Variants in CNKSR2 observed in about 807,000 individuals in gnomAD.
CNKSR2 encodes CNK homolog protein 2.
A neutral mutation model predicts 84.4 loss-of-function variants in CNKSR2; 14 were observed. That is an observed-to-expected ratio of 0.17 (90% CI 0.11 to 0.26). The LOEUF (loss-of-function observed/expected upper bound fraction) is 0.26, where lower values mean the gene tolerates loss of function less well. Among genes scored for constraint, CNKSR2 ranks in the 10% least tolerant of loss-of-function variants. CNKSR2 has a pLI of 1.00. For missense variants in CNKSR2, 485 were observed against 771.2 expected, an observed-to-expected ratio of 0.63 and a Z score of 4.40; for synonymous variants, 275 against 277.9, an observed-to-expected ratio of 0.99 and a Z score of 0.10.
intron 4 of CNKSR2, among the ~76,000 whole-genome samples, chrX:21,456,999 C>T (rs1285884035): frequency 9.0e-6 from 1 of 111,226 alleles, no homozygotes; most frequent in Non-Finnish European, 1.9e-5. Context: ...ACCTAATGGC[C>T]ATTTGTATGT....
At chrX:21,610,609 T>C (rs2092545608) in intron 20 of CNKSR2, among the ~76,000 whole-genome samples, 1 of 112,675 alleles carries the variant, frequency 8.9e-6, no homozygotes, top group South Asian at 3.7e-4. Context: ...AAATCACAGT[T>C]ACTTGTTTGG....
At chrX:21,615,653 G>A (rs1216460692) in intron 20 of CNKSR2, among the ~76,000 whole-genome samples, 3 of 111,315 alleles carry the variant, frequency 2.7e-5, no homozygotes, top group African/African-American at 6.5e-5. Flanking sequence ...AATTATATAG[G>A]TTTTATATTT....
chrX:21,495,869 CATTTA>C (rs1255507652), intron 6 of CNKSR2, among the ~76,000 whole-genome samples: 1 of 93,517 alleles, frequency 1.1e-5, no homozygotes, highest in Non-Finnish European at 2.0e-5. Flanking sequence ...AGTCATGCTT[CATTTA>C]ATGACGGGAT....
chrX:21,520,380 A>G (rs935068179), intron 9 of CNKSR2, among the ~76,000 whole-genome samples: 1 of 110,960 alleles, frequency 9.0e-6, no homozygotes, highest in African/African-American at 3.3e-5. Flanking sequence ...TTGCTTTCTG[A>G]GAGCTGCTTT....
Position 21,620,871 on chromosome X carries a change from C to A in CNKSR2, c.2692+11254C>A, listed in dbSNP as rs142531802. 7.3e-3 allele frequency among the ~76,000 whole-genome samples: 815 copies of A among 110,887 alleles called. 10 individuals are homozygous for A. The highest frequency in any genetic ancestry group is 0.026 in the African/African-American group (784 of 30,601). On this transcript the variant is annotated intron_variant, in intron 20 of 21. Coordinates refer to ENST00000379510, the MANE Select transcript of CNKSR2 (RefSeq NM_014927.5). ...TATAACTTACGAGTTTAGTGGGCTCCTCATTACTCGAAGTGTTTAGGAAGA... is the reference window on the plus strand; with the variant it reads ...TATAACTTACGAGTTTAGTGGGCTCATCATTACTCGAAGTGTTTAGGAAGA...
At chrX:21,529,430 T>G (rs1051599151) in intron 10 of CNKSR2, among the ~76,000 whole-genome samples, 1 of 110,997 alleles carries the variant, frequency 9.0e-6, no homozygotes, top group Non-Finnish European at 1.9e-5. Context: ...AATTTATAGG[T>G]CTTTGAACAA....
intron 17 of CNKSR2, among the ~76,000 whole-genome samples, chrX:21,597,442 C>G (rs1286856323): frequency 2.7e-5 from 3 of 111,729 alleles, no homozygotes; most frequent in African/African-American, 9.7e-5. Flanking sequence ...TTATGTAAAG[C>G]CTGCCATGGC....
intron 10 of CNKSR2, 83 bp downstream of exon 10, chrX:21,527,083 G>A: frequency 1.2e-6 from 1 of 847,624 alleles, no homozygotes; most frequent in Non-Finnish European, 1.7e-6. Flanking sequence ...CAATTCTGAA[G>A]GAACACCTTG....
intron 20 of CNKSR2, among the ~76,000 whole-genome samples, chrX:21,628,902 G>A (rs1234885038): frequency 1.8e-5 from 2 of 112,337 alleles, no homozygotes; most frequent in Non-Finnish European, 3.8e-5. Flanking sequence ...TTTCTCCTCA[G>A]AAAATGGGAT....
rs1235168584 is a variant in CNKSR2, at chrX:21,440,010, A to G, written c.432-684A>G. 2.7e-5 allele frequency among the ~76,000 whole-genome samples: 3 copies of G among 110,644 alleles called. No individual in the cohort carries two copies. In the Admixed American group the frequency reaches 2.9e-4, roughly 11 times the overall value. ...CTTAGATGTTAAAACCTTCAACAAA[A>G]TATTACCAAACTAAATCTAAACGTG... On this transcript the variant is annotated intron_variant, in intron 3 of 21. Transcript: ENST00000379510.
At chrX:21,574,267 C>T (rs771044807) in intron 13 of CNKSR2, among the ~76,000 whole-genome samples, 1 of 112,112 alleles carries the variant, frequency 8.9e-6, no homozygotes, top group South Asian at 3.7e-4. Context: ...CTAAACTGTT[C>T]CAACCTCTGC....
intron 4 of CNKSR2, among the ~76,000 whole-genome samples, chrX:21,470,023 G>C (rs183914092): frequency 8.9e-6 from 1 of 112,451 alleles, no homozygotes; most frequent in East Asian, 2.8e-4. Flanking sequence ...AATTCTCACA[G>C]CATTTTTATT....
At chrX:21,523,184 A>G (rs186615297) in intron 9 of CNKSR2, among the ~76,000 whole-genome samples, 2 of 110,928 alleles carry the variant, frequency 1.8e-5, no homozygotes, top group Admixed American at 9.6e-5. Flanking sequence ...TCTCAAAAGG[A>G]CCATTGACAT....
At chrX:21,591,901 A>T (rs1349759842) in intron 15 of CNKSR2, 1 of 111,341 alleles carries the variant, frequency 9.0e-6, no homozygotes, top group African/African-American at 3.3e-5. Flanking sequence ...CTACTAGTTC[A>T]CTTTATTAGT....
intron 1 of CNKSR2, among the ~76,000 whole-genome samples, chrX:21,410,202 C>T (rs2090325443): frequency 9.0e-6 from 1 of 110,714 alleles, no homozygotes; most frequent in Non-Finnish European, 1.9e-5. Context: ...AAATCTCAGG[C>T]CACACTCCAA....
intron 2 of CNKSR2, among the ~76,000 whole-genome samples, chrX:21,431,235 A>G (rs2090630347): frequency 8.9e-6 from 1 of 111,905 alleles, no homozygotes; most frequent in South Asian, 3.7e-4. Context: ...TGTTGACTTA[A>G]TAACATAGCT....
At chrX:21,597,761 A>G (rs1885360850) in intron 17 of CNKSR2, among the ~76,000 whole-genome samples, 1 of 110,081 alleles carries the variant, frequency 9.1e-6, no homozygotes, top group South Asian at 3.8e-4. Context: ...ATCTTTTAAA[A>G]GCATGTATCT....
chrX:21,391,197 C>T (rs1026509126), intron 1 of CNKSR2, among the ~76,000 whole-genome samples: 8 of 112,525 alleles, frequency 7.1e-5, no homozygotes, highest in Non-Finnish European at 1.3e-4. Flanking sequence ...TCTGCCATTC[C>T]GCAGTCTGGA....
intron 1 of CNKSR2, 132 bp downstream of exon 1, chrX:21,375,093 C>G: frequency 3.5e-6 from 2 of 565,257 alleles, no homozygotes; most frequent in South Asian, 5.1e-5. Flanking sequence ...CGCGTCGGGG[C>G]GGGGGTCCTC....
Sources: gnomAD v4.1 joint callset for allele counts (sites outside exome capture counted in the v4.1 genomes callset) on GRCh38, gnomAD v4.1.1 for gene constraint, MANE v1.5 for transcripts, NCBI Gene and HGNC (gene_info 2026-07-23, HGNC 2026-07-21) for gene names.